Variants in MACF1 observed in about 807,000 individuals in gnomAD.
The protein encoded by MACF1 is microtubule actin crosslinking factor 1.
MACF1 carries 193 observed loss-of-function variants against 854.8 expected under a neutral mutation model. The observed-to-expected ratio is 0.23, with a 90% CI of 0.20 to 0.25. MACF1 has a LOEUF of 0.25. Among genes scored for constraint, MACF1 ranks in the 10% least tolerant of loss-of-function variants. The probability of loss-of-function intolerance (pLI) is 1.00; values close to 1 mark genes in which losing one functional copy is unlikely to be tolerated. For missense variants in MACF1, 7,722 were observed against 8,929.1 expected (o/e 0.86, Z 5.45); for synonymous variants, 3,185 against 3,226.7 (o/e 0.99, Z 0.44).
At chr1:39,316,306 T>C in intron 27 of MACF1, 85 bp from the exon 28 acceptor site, 1 of 1,108,248 alleles carries the variant, frequency 9.0e-7, no homozygotes, top group Non-Finnish European at 1.2e-6. Context: ...TTATGTTTTA[T>C]GAACCTCTCT....
intron 61 of MACF1, 78 bp from the exon 62 acceptor site, chr1:39,427,377 C>G (rs980967014): frequency 1.6e-6 from 2 of 1,239,088 alleles, no homozygotes; most frequent in African/African-American, 1.5e-5. Flanking sequence ...AAAGACTATT[C>G]TTTTACTGAG....
intron 14 of MACF1, 77 bp from the exon 15 acceptor site, chr1:39,287,209 T>A: frequency 1.4e-6 from 2 of 1,429,512 alleles, no homozygotes; most frequent in South Asian, 2.7e-5. Context: ...CTTTGTCAAA[T>A]GGATAAGGAA....
Position 39,347,116 on chromosome 1 carries a change from A to G in MACF1, c.10721A>G (p.Gln3574Arg), listed in dbSNP as rs774318989. The change falls in exon 41 of 101, where the codon CAG becomes CGG. Residue 3574 changes from glutamine (Q) to arginine (R), a missense_variant. By Grantham distance (43) the Gln-to-Arg change is conservative. Transcript: ENST00000564288. Reference sequence around the variant, plus strand: ...ATGCTGAGGCTTCTGAATGAACTGCAGAGGTCCTTCCAGGACATTTTGGAA... The same window carrying G: ...ATGCTGAGGCTTCTGAATGAACTGCGGAGGTCCTTCCAGGACATTTTGGAA... Reference protein sequence around the residue: ...RQMLRLLNELQRSFQDILEQT... With the variant: ...RQMLRLLNELRRSFQDILEQT... 7.4e-6 allele frequency: 12 copies of G among 1,614,166 alleles called. No homozygotes were observed. The Middle Eastern group carries it at 6.6e-4, about 89-fold the overall frequency.
At chr1:39,102,434 C>T (rs117163389) in intron 2 of MACF1, among the ~76,000 whole-genome samples, 1 of 69,420 alleles carries the variant, frequency 1.4e-5, no homozygotes, top group Admixed American at 1.1e-4. Context: ...TAATTGGAGG[C>T]GGGGGGGGGG....
chr1:39,439,534 T>G (rs1366987572), intron 72 of MACF1, 34 bp downstream of exon 72: 2 of 1,543,184 alleles, frequency 1.3e-6, no homozygotes, highest in Admixed American at 3.5e-5. Context: ...TTCTTAGGTG[T>G]CTGTCCTCTA....
chr1:39,438,213 C>G (rs1644022219), intron 71 of MACF1, among the ~76,000 whole-genome samples: 1 of 152,132 alleles, frequency 6.6e-6, no homozygotes, highest in Non-Finnish European at 1.5e-5. Context: ...TAGTTAGATT[C>G]CCAGGCCAGG....
intron 6 of MACF1, among the ~76,000 whole-genome samples, chr1:39,267,491 A>T (rs1339547304): frequency 6.6e-6 from 1 of 152,224 alleles, no homozygotes; most frequent in East Asian, 1.9e-4. Context: ...TTGGCCTTCT[A>T]GAGTACTAGG....
Position 39,336,010 on chromosome 1 carries a change from G to C in MACF1, c.9422G>C (p.Arg3141Thr). Residue 3141 changes from arginine (R) to threonine (T), a missense_variant, in exon 37 of 101, where the codon AGA becomes ACA. Physicochemically the swap from Arg to Thr is moderately conservative, Grantham distance 71. This residue lies in a region of MACF1 where 854 missense variants were observed against 852.6 expected (regional missense o/e 1.00). Transcript: ENST00000564288. ...GACAAGTCTTTCCAAGGAACCACCAGACAGGAGACCAACTATCAAGATTCC... is the reference window on the plus strand; with the variant it reads ...GACAAGTCTTTCCAAGGAACCACCACACAGGAGACCAACTATCAAGATTCC... The part of the protein sequence containing the change: ...KTDKSFQGTT[R>T]QETNYQDSWV... 6.2e-7 allele frequency: 1 copy of C among 1,614,110 alleles called. No individual in the cohort carries two copies. Among genetic ancestry groups the C allele is most frequent in the Non-Finnish European group, 8.5e-7 (1 of 1,180,010 alleles).
chr1:39,435,650 G>A lies in MACF1; in HGVS notation c.17877G>A (p.Gly5959=), dbSNP rs1385761313. The change falls in exon 70 of 101, where the codon GGG becomes GGA. Residue 5959 remains glycine, a synonymous_variant. Coordinates refer to ENST00000564288, the MANE Select transcript of MACF1 (RefSeq NM_001394062.1). ...PQLKELNPEE[G]EMVEEKYQKA... is the part of the protein sequence containing the mutation. ...TAAAGGAATTAAACCCTGAGGAAGG[G>A]GAAATGGTGGAAGAAAAATACCAGA... is the stretch of plus-strand genomic sequence containing the variant. 1.2e-6 allele frequency: 2 copies of A among 1,614,052 alleles called. No individual in the cohort carries two copies. Among genetic ancestry groups the A allele is most frequent in the East Asian group, 2.2e-5 (1 of 44,900 alleles).
At chr1:39,257,687 T>G in intron 5 of MACF1, 1 of 419,986 alleles carries the variant, frequency 2.4e-6, no homozygotes. Flanking sequence ...ATCAGATCAG[T>G]GGTTGTCAGG....
intron 2 of MACF1, among the ~76,000 whole-genome samples, chr1:39,128,046 G>C (rs1642905451): frequency 6.6e-6 from 1 of 152,108 alleles, no homozygotes; most frequent in South Asian, 2.1e-4. Context: ...GGTAACCACT[G>C]TTCAAGCTTT....
chr1:39,343,982 G>A (rs1372381077), intron 40 of MACF1, among the ~76,000 whole-genome samples: 1 of 152,030 alleles, frequency 6.6e-6, no homozygotes, highest in Admixed American at 6.6e-5. Flanking sequence ...AGGCGTGGTG[G>A]CACATGCCTG....
At chr1:39,401,203 T>G (rs1642464506) in intron 58 of MACF1, among the ~76,000 whole-genome samples, 2 of 152,238 alleles carry the variant, frequency 1.3e-5, no homozygotes, top group South Asian at 4.1e-4. Flanking sequence ...TGGCCTTGGC[T>G]TGTATGCTCT....
chr1:39,436,356 C>T, intron 70 of MACF1: 2 of 937,788 alleles, frequency 2.1e-6, no homozygotes, highest in Non-Finnish European at 3.5e-6. Context: ...CAAGTTTCTC[C>T]CCCCACCTTC....
At chr1:39,229,944 T>C (rs1394246339) in intron 1 of MACF1, among the ~76,000 whole-genome samples, 2 of 152,128 alleles carry the variant, frequency 1.3e-5, no homozygotes, top group African/African-American at 4.8e-5. Context: ...GGTTTTACCA[T>C]GTTGGCCAGG....
intron 18 of MACF1, 41 bp from the exon 19 acceptor site, chr1:39,295,005 G>A: frequency 6.9e-7 from 1 of 1,450,846 alleles, no homozygotes; most frequent in Non-Finnish European, 9.7e-7. Context: ...GCTCCCCACT[G>A]CCAAGAGTGC....
intron 61 of MACF1, 104 bp from the exon 62 acceptor site, chr1:39,427,351 T>A: frequency 1.0e-6 from 1 of 994,920 alleles, no homozygotes; most frequent in Non-Finnish European, 1.5e-6. Context: ...CTATTGGTAT[T>A]TAAACTATAC....
chr1:39,310,143 T>C lies in MACF1; in HGVS notation c.2917-102T>C. ...AAATCAACATGTTTACGATTATGGT[T>C]TATGCACTGTTTTGTATATATGTTA... is the stretch of plus-strand genomic sequence containing the variant. On this transcript the variant is annotated intron_variant, in intron 24 of 100. Coordinates refer to ENST00000564288, the MANE Select transcript of MACF1 (RefSeq NM_001394062.1). 5.7e-6 allele frequency: 5 copies of C among 883,682 alleles called. No individual in the cohort carries two copies. The South Asian group carries it at 9.1e-5, about 16-fold the overall frequency. The allele number at this position is 883,682 out of a possible 1,614,324, so 54.7% of individuals were successfully genotyped here.
At chr1:39,276,207 A>G (rs1192148922) in intron 6 of MACF1, among the ~76,000 whole-genome samples, 1 of 152,140 alleles carries the variant, frequency 6.6e-6, no homozygotes, top group African/African-American at 2.4e-5. Context: ...GGAGTGAGCC[A>G]CTGCACCCAG....
Sources: gnomAD v4.1 joint callset for allele counts (sites outside exome capture counted in the v4.1 genomes callset) on GRCh38, gnomAD v4.1.1 for gene constraint, gnomAD v4.1.1 regional missense constraint, MANE v1.5 for transcripts, NCBI Gene and HGNC (gene_info 2026-07-23, HGNC 2026-07-21) for gene names.